Variants in SLC30A4 observed in about 807,000 individuals in gnomAD.
SLC30A4 encodes probable proton-coupled zinc antiporter SLC30A4.
In SLC30A4, 20 loss-of-function variants were observed where a neutral mutation model predicts 41.7. The observed-to-expected ratio is 0.48, with a 90% CI of 0.34 to 0.70. The LOEUF is 0.70. Among genes scored for constraint, SLC30A4 ranks in the 30% least tolerant of loss-of-function variants. The pLI is 0.01. For missense variants in SLC30A4, 441 were observed against 529.3 expected (o/e 0.83, Z 1.64); for synonymous variants, 181 against 195.9 (o/e 0.92, Z 0.64).
Position 45,490,754 on chromosome 15 carries a change from T to G in SLC30A4, c.666A>C (p.Ala222=). 1 of 1,606,908 alleles carries G rather than the reference T, an allele frequency of 6.2e-7. No individual in the cohort carries two copies. Among genetic ancestry groups the G allele is most frequent in the Non-Finnish European group, 8.5e-7 (1 of 1,176,946 alleles). Residue 222 remains alanine, a synonymous_variant, in exon 4 of 8, where the codon GCA becomes GCC. Coordinates refer to ENST00000261867, the MANE Select transcript of SLC30A4 (RefSeq NM_013309.6). ...TTACATTAACTGCAACTCCAACAGC[T>G]GCGGTGATGAGCATTATATCTCCAT... is the stretch of plus-strand genomic sequence containing the variant. ...EINGDIMLIT[A]AVGVAVNVIM...
chr15:45,522,570 C>G, intron 1 of SLC30A4, 37 bp downstream of exon 1: 1 of 482,630 alleles, frequency 2.1e-6, no homozygotes, highest in South Asian at 4.1e-5. Flanking sequence ...GACGCTCCGC[C>G]GGGGCTCCGC....
chr15:45,485,083 T>A lies in SLC30A4; in HGVS notation c.*80A>T. ...GACACAGCTGTCAGGGATTCCATTT[T>A]CTCATTTAGGTTTGCATTTATTGCT... On this transcript the variant is annotated 3_prime_UTR_variant, in exon 8 of 8. Transcript: ENST00000261867. 1 of 1,136,562 alleles carries A rather than the reference T, an allele frequency of 8.8e-7. No individual in the cohort carries two copies. The allele number at this position is 1,136,562 out of a possible 1,614,324, so 70.4% of individuals were successfully genotyped here. A position where few individuals can be genotyped will look rare whatever the true frequency, so the allele number is the denominator to read the frequency against.
Position 45,490,718 on chromosome 15 carries a change from T to C in SLC30A4, c.692+10A>G, listed in dbSNP as rs1891794804. 2 of 1,576,818 alleles carry C rather than the reference T, an allele frequency of 1.3e-6. No homozygotes were observed. Among genetic ancestry groups the C allele is most frequent in the Non-Finnish European group, 1.7e-6 (2 of 1,162,172 alleles). Reference sequence around the variant, plus strand: ...CTTGAAAATATTAATGTGAAAAAAATAGAGCTTACATTACATTAACTGCAA... The same window carrying C: ...CTTGAAAATATTAATGTGAAAAAAACAGAGCTTACATTACATTAACTGCAA... On this transcript the variant is annotated intron_variant, in intron 4 of 7. Coordinates refer to ENST00000261867, the MANE Select transcript of SLC30A4 (RefSeq NM_013309.6).
Position 45,483,375 on chromosome 15 carries a change from T to C in SLC30A4, c.*1788A>G, listed in dbSNP as rs1393075333. ...GCCCAATAACCATATCCATTCTTCG[T>C]GTAAGAAACTGTCACTGTTGAAAAG... is the stretch of plus-strand genomic sequence containing the variant. On this transcript the variant is annotated 3_prime_UTR_variant, in exon 8 of 8. Transcript: ENST00000261867. 6.6e-6 allele frequency: 1 copy of C among 152,220 alleles called. No homozygotes were observed. The highest frequency in any genetic ancestry group is 1.5e-5 in the Non-Finnish European group (1 of 68,042). The allele number at this position is 152,220 out of a possible 1,614,324, so 9.4% of individuals were successfully genotyped here.
intron 2 of SLC30A4, among the ~76,000 whole-genome samples, chr15:45,518,327 A>T (rs1158210019): frequency 6.6e-6 from 1 of 152,000 alleles, no homozygotes; most frequent in Non-Finnish European, 1.5e-5. Context: ...CTAAATTTTA[A>T]ATTTACTTAC....
intron 3 of SLC30A4, among the ~76,000 whole-genome samples, chr15:45,505,184 T>A (rs1261026562): frequency 2.0e-5 from 3 of 148,422 alleles, no homozygotes; most frequent in Non-Finnish European, 4.4e-5. Context: ...TGAGCCAAGA[T>A]TGCGCCATTG....
At chr15:45,507,463 A>T (rs532266214) in intron 3 of SLC30A4, among the ~76,000 whole-genome samples, 1 of 151,472 alleles carries the variant, frequency 6.6e-6, no homozygotes, top group South Asian at 2.1e-4. Flanking sequence ...AAGATAATTT[A>T]AAAACTTTTC....
intron 2 of SLC30A4, among the ~76,000 whole-genome samples, chr15:45,516,389 T>G (rs1029132513): frequency 6.6e-6 from 1 of 152,222 alleles, no homozygotes; most frequent in African/African-American, 2.4e-5. Flanking sequence ...ATCACTGCTG[T>G]AGTATAAACT....
chr15:45,481,852 T>G lies in SLC30A4; in HGVS notation c.*3311A>C, dbSNP rs765284927. 1 of 152,012 alleles carries G rather than the reference T, an allele frequency of 6.6e-6. No individual in the cohort carries two copies. The highest frequency in any genetic ancestry group is 1.5e-5 in the Non-Finnish European group (1 of 68,004). 9.4% of individuals were successfully genotyped at this position (152,012 alleles called of 1,614,324 possible). ...AGGTAAAGATACAAACTATGTACTT[T>G]TTCCTACAAAAACAAAGCACAGGAA... On this transcript the variant is annotated 3_prime_UTR_variant, in exon 8 of 8. Transcript: ENST00000261867.
rs1891712177 is a variant in SLC30A4 at position 45,486,704 on chromosome 15, A to G, written c.1042T>C (p.Leu348=). 3 of 1,594,666 alleles carry G rather than the reference A, an allele frequency of 1.9e-6. No homozygotes were observed. The highest frequency in any genetic ancestry group is 2.6e-6 in the Non-Finnish European group (3 of 1,168,352). ...GAATATACATCTTCTATTTTCATCA[A>G]GGCTTCTTTGATATAGTCTACATTC... The part of the protein sequence containing the change: ...HLNVDYIKEA[L]MKIEDVYSVE... The change falls in exon 7 of 8, where the codon TTG becomes CTG. Residue 348 remains leucine (L), a synonymous_variant. Coordinates refer to ENST00000261867, the MANE Select transcript of SLC30A4 (RefSeq NM_013309.6).
intron 3 of SLC30A4, among the ~76,000 whole-genome samples, chr15:45,494,191 G>A (rs1891863705): frequency 1.3e-5 from 2 of 152,110 alleles, no homozygotes; most frequent in Non-Finnish European, 2.9e-5. Flanking sequence ...AATGAAATTA[G>A]TCAAGGGTTA....
chr15:45,482,712 T>C lies in SLC30A4; in HGVS notation c.*2451A>G, dbSNP rs1369994208. On this transcript the variant is annotated 3_prime_UTR_variant, in exon 8 of 8. Coordinates refer to ENST00000261867, the MANE Select transcript of SLC30A4 (RefSeq NM_013309.6). ...TAAGAATATTTTGATTTAAATAGTTTATATGCTCCTGAAATTTCTGAGAAA... is the reference window on the plus strand; with the variant it reads ...TAAGAATATTTTGATTTAAATAGTTCATATGCTCCTGAAATTTCTGAGAAA... 1 of 152,218 alleles carries C rather than the reference T, an allele frequency of 6.6e-6. No individual in the cohort carries two copies. The highest frequency in any genetic ancestry group is 2.4e-5 in the African/African-American group (1 of 41,468). The allele number at this position is 152,218 out of a possible 1,614,324, so 9.4% of individuals were successfully genotyped here. A position where few individuals can be genotyped will look rare whatever the true frequency, so the allele number is the denominator to read the frequency against.
chr15:45,498,968 C>A (rs963109561), intron 3 of SLC30A4, among the ~76,000 whole-genome samples: 35 of 152,110 alleles, frequency 2.3e-4, no homozygotes, highest in Middle Eastern at 3.2e-3. Flanking sequence ...AGGTACCTAA[C>A]CCAGGACAAT....
chr15:45,488,131 A>G (rs1483497155), intron 5 of SLC30A4, among the ~76,000 whole-genome samples: 1 of 152,154 alleles, frequency 6.6e-6, no homozygotes, highest in East Asian at 1.9e-4. Flanking sequence ...CTTGTAATAA[A>G]GAAGAGGGAA....
At position 45,480,350 on chromosome 15, in the gene SLC30A4, T is replaced by C. The variant is rs998557655; in HGVS notation, c.*4813A>G. On this transcript the variant is annotated 3_prime_UTR_variant, in exon 8 of 8. Coordinates refer to ENST00000261867, the MANE Select transcript of SLC30A4 (RefSeq NM_013309.6). ...GCTCCCACGAACATCACAAATAATA[T>C]ACCTGATTGGCAATCAGTAAAACAA... 15 of 152,216 alleles carry C rather than the reference T, an allele frequency of 9.9e-5. No homozygotes were observed. Among genetic ancestry groups the C allele is most frequent in the African/African-American group, 3.1e-4 (13 of 41,462 alleles). 9.4% of individuals were successfully genotyped at this position (152,216 alleles called of 1,614,324 possible).
intron 3 of SLC30A4, among the ~76,000 whole-genome samples, chr15:45,507,795 G>C (rs1279437312): frequency 6.6e-6 from 1 of 152,064 alleles, no homozygotes; most frequent in Non-Finnish European, 1.5e-5. Flanking sequence ...GCTTCTCCTG[G>C]TTCTTTAAGT....
At chr15:45,498,263 T>C (rs538386706) in intron 3 of SLC30A4, among the ~76,000 whole-genome samples, 20 of 152,202 alleles carry the variant, frequency 1.3e-4, no homozygotes, top group Non-Finnish European at 2.9e-4. Flanking sequence ...CAATAGAGGA[T>C]AGGAAGGAAA....
chr15:45,486,810 G>A (rs16944146), intron 6 of SLC30A4, 65 bp from the exon 7 acceptor site: 58,710 of 899,434 alleles, frequency 0.065, 3,221 homozygotes, highest in East Asian at 0.27. Context: ...TTACATTACC[G>A]ATGACATTTA....
In SLC30A4 at chr15:45,485,057, G is replaced by A. The variant is rs1034204246; in HGVS notation, c.*106C>T. ...TGTTTGAGAGACTGATGCTTGATAC[G>A]GACACAGCTGTCAGGGATTCCATTT... On this transcript the variant is annotated 3_prime_UTR_variant, in exon 8 of 8. Coordinates refer to ENST00000261867, the MANE Select transcript of SLC30A4 (RefSeq NM_013309.6). 6.1e-6 allele frequency: 5 copies of A among 815,082 alleles called. No homozygotes were observed. The highest frequency in any genetic ancestry group is 2.5e-4 in the Middle Eastern group (1 of 4,020). 50.5% of individuals were successfully genotyped at this position (815,082 alleles called of 1,614,324 possible). A position where few individuals can be genotyped will look rare whatever the true frequency, so the allele number is the denominator to read the frequency against.
Sources: allele counts gnomAD v4.1 joint callset (sites outside exome capture counted in the v4.1 genomes callset), GRCh38; gene constraint gnomAD v4.1.1; transcripts MANE v1.5; gene names NCBI Gene and HGNC (gene_info 2026-07-23, HGNC 2026-07-21).